ACADM: variants seen among roughly 807,000 people sequenced by gnomAD.
ACADM encodes the protein medium-chain specific acyl-CoA dehydrogenase, mitochondrial.
A neutral mutation model predicts 58.9 loss-of-function variants in ACADM; 49 were observed. That is an observed-to-expected ratio of 0.83 (90% CI 0.66 to 1.06). ACADM has a LOEUF of 1.06. ACADM is among the 50% of genes least tolerant of loss of function. ACADM has a pLI of 0.00. For synonymous variants in ACADM, 160 were observed against 157.7 expected (o/e 1.01, Z -0.11); for missense variants, 496 against 507.0 (o/e 0.98, Z 0.21).
chr1:75,746,212 G>A (rs1647891142), intron 8 of ACADM, among the ~76,000 whole-genome samples: 1 of 152,100 alleles, frequency 6.6e-6, no homozygotes, highest in Non-Finnish European at 1.5e-5. Flanking sequence ...TAAGAATTCT[G>A]GATATTTCAA....
chr1:75,745,645 A>T, intron 7 of ACADM, 161 bp from the exon 8 acceptor site: 2 of 667,814 alleles, frequency 3.0e-6, no homozygotes, highest in Non-Finnish European at 2.7e-6. Flanking sequence ...TCCATATACT[A>T]GGTACGTGAC....
At chr1:75,761,797 T>C (rs1365073510) in intron 11 of ACADM, among the ~76,000 whole-genome samples, 1 of 152,198 alleles carries the variant, frequency 6.6e-6, no homozygotes, top group Non-Finnish European at 1.5e-5. Flanking sequence ...TAATTCCAAA[T>C]TAAATTGGTA....
At chr1:75,734,193 T>G (rs1373389467) in intron 5 of ACADM, among the ~76,000 whole-genome samples, 3 of 137,442 alleles carry the variant, frequency 2.2e-5, no homozygotes, top group Non-Finnish European at 3.1e-5. Context: ...AGACGGAGTC[T>G]CACTCTGTTG....
chr1:75,761,351 G>A lies in ACADM; in HGVS notation c.1175G>A (p.Arg392Lys), dbSNP rs2100453846. 1.2e-6 allele frequency: 2 copies of A among 1,613,952 alleles called. No individual in the cohort carries two copies. ...GAATATCCTGTAGAAAAACTAATGA[G>A]GGATGCCAAAATCTATCAGGTAAGG... ...NTEYPVEKLM[R>K]DAKIYQIYEG... Residue 392 changes from arginine to lysine, a missense_variant, in exon 11 of 12, where the codon AGG becomes AAG. Coordinates refer to ENST00000370841, the MANE Select transcript of ACADM (RefSeq NM_000016.6).
intron 3 of ACADM, 51 bp from the exon 4 acceptor site, chr1:75,732,801 TC>T: frequency 2.5e-6 from 4 of 1,605,672 alleles, no homozygotes; most frequent in African/African-American, 1.3e-5. Context: ...GATTATGTAA[TC>T]AAACTATCTG....
intron 11 of ACADM, 84 bp from the exon 12 acceptor site, chr1:75,762,608 C>T (rs1412198109): frequency 2.3e-6 from 2 of 872,700 alleles, no homozygotes; most frequent in Non-Finnish European, 3.8e-6. Flanking sequence ...TACAACACAG[C>T]TTATGCTACT....
chr1:75,762,811 T>G lies in ACADM; in HGVS notation c.*48T>G. ...AATAACTAGAACACAAGCCACTGTT[T>G]CAGCTCCAGAAAAAAGAAAGGGCTT... On this transcript the variant is annotated 3_prime_UTR_variant, in exon 12 of 12. Transcript: ENST00000370841. 1 of 1,205,722 alleles carries G rather than the reference T, an allele frequency of 8.3e-7. No individual in the cohort carries two copies. Among genetic ancestry groups the G allele is most frequent in the Admixed American group, 1.9e-5 (1 of 52,774 alleles). 74.7% of individuals were successfully genotyped at this position (1,205,722 alleles called of 1,614,324 possible).
chr1:75,757,210 G>T (rs1055889805), intron 10 of ACADM, among the ~76,000 whole-genome samples: 3 of 152,136 alleles, frequency 2.0e-5, no homozygotes, highest in African/African-American at 7.2e-5. Flanking sequence ...TGACAATTGG[G>T]ATCTAATTAA....
chr1:75,727,941 G>T (rs550757622), intron 1 of ACADM, among the ~76,000 whole-genome samples: 2 of 152,240 alleles, frequency 1.3e-5, no homozygotes, highest in South Asian at 4.1e-4. Flanking sequence ...CTGAGGGGAA[G>T]GTTTCCAGAG....
intron 7 of ACADM, chr1:75,744,610 C>T: frequency 8.9e-7 from 1 of 1,124,076 alleles, no homozygotes; most frequent in Non-Finnish European, 1.4e-6. Flanking sequence ...GAAGCGAACA[C>T]TGAAGACACT....
chr1:75,754,386 A>G (rs888333315), intron 10 of ACADM, among the ~76,000 whole-genome samples: 1 of 150,820 alleles, frequency 6.6e-6, no homozygotes, highest in Non-Finnish European at 1.5e-5. Flanking sequence ...TTTCTTTTGT[A>G]CTTTTAGTAG....
chr1:75,725,927 T>C (rs901983186), intron 1 of ACADM, among the ~76,000 whole-genome samples: 2 of 152,240 alleles, frequency 1.3e-5, no homozygotes, highest in Admixed American at 6.5e-5. Context: ...TCAGCAATTA[T>C]AACTCCAGAT....
At chr1:75,754,170 C>T (rs1648365126) in intron 10 of ACADM, among the ~76,000 whole-genome samples, 1 of 149,864 alleles carries the variant, frequency 6.7e-6, no homozygotes, top group African/African-American at 2.5e-5. Flanking sequence ...CTAGGTGTCT[C>T]TCAACCCATT....
chr1:75,755,384 C>T (rs981580969), intron 10 of ACADM, among the ~76,000 whole-genome samples: 1 of 152,198 alleles, frequency 6.6e-6, no homozygotes, highest in South Asian at 2.1e-4. Flanking sequence ...ACACCTCATA[C>T]GTCCGGGTGC....
In ACADM at chr1:75,743,866, T is replaced by G; in HGVS notation, c.600-1940T>G. The G allele has an allele frequency of 4.2e-6, 6 of 1,419,262 alleles. No individual in the cohort carries two copies. In the South Asian group the frequency reaches 6.9e-5, roughly 16 times the overall value. The allele number at this position is 1,419,262 out of a possible 1,614,324, so 87.9% of individuals were successfully genotyped here. A position where few individuals can be genotyped will look rare whatever the true frequency, so the allele number is the denominator to read the frequency against. On this transcript the variant is annotated intron_variant, in intron 7 of 11. Transcript: ENST00000370841. The stretch of plus-strand genomic sequence containing the variant: ...CCTATATACCACCTCTTTGGTTATA[T>G]CATCAATCACTGCGTTTACAACAGG...
At position 75,732,859 on chromosome 1, in the gene ACADM, G is replaced by C; in HGVS notation, c.223G>C (p.Val75Leu). The C allele has an allele frequency of 6.2e-7, 1 of 1,613,298 alleles. No individual in the cohort carries two copies. The highest frequency in any genetic ancestry group is 8.5e-7 in the Non-Finnish European group (1 of 1,179,356). The change falls in exon 4 of 12, where the codon GTC becomes CTC. Residue 75 changes from valine to leucine, a missense_variant. By Grantham distance (32) the Val-to-Leu change is conservative (BLOSUM62 1). Coordinates refer to ENST00000370841, the MANE Select transcript of ACADM (RefSeq NM_000016.6). ...AEYDKTGEYP[V>L]PLIRRAWELG... ...TCAGTTCTTTTTCTTCTAGTATCCA[G>C]TCCCCCTAATTAGAAGAGCCTGGGA... is the stretch of plus-strand genomic sequence containing the variant.
In ACADM at chr1:75,733,660, C is replaced by G. The variant is rs2153126; in HGVS notation, c.387+32C>G. ...GACTTAGAAAATTAACTACCTAACTCAGCTCTTGTTAATGAGATAGTTACT... is the reference window on the plus strand; with the variant it reads ...GACTTAGAAAATTAACTACCTAACTGAGCTCTTGTTAATGAGATAGTTACT... On this transcript the variant is annotated intron_variant, in intron 5 of 11. Coordinates refer to ENST00000370841, the MANE Select transcript of ACADM (RefSeq NM_000016.6). 0.31 allele frequency: 468,318 copies of G among 1,521,720 alleles called. 75,110 individuals carry two copies. The highest frequency in any genetic ancestry group is 0.33 in the Non-Finnish European group (365,751 of 1,096,224). 94.3% of individuals were successfully genotyped at this position (1,521,720 alleles called of 1,614,324 possible).
intron 7 of ACADM, among the ~76,000 whole-genome samples, chr1:75,740,943 AATATTATTACACAGAAAG>A (rs1160741990): frequency 6.6e-6 from 1 of 152,230 alleles, no homozygotes; most frequent in Non-Finnish European, 1.5e-5. Flanking sequence ...AAGTTTTTCA[AATATTATTACACAGAAAG>A]ATGATCAGGC....
intron 10 of ACADM, among the ~76,000 whole-genome samples, chr1:75,755,901 G>T (rs1186010439): frequency 6.6e-6 from 1 of 152,190 alleles, no homozygotes; most frequent in African/African-American, 2.4e-5. Flanking sequence ...TCCCTGGGAT[G>T]CAAGGCTGAT....
Sources: allele counts gnomAD v4.1 joint callset (sites outside exome capture counted in the v4.1 genomes callset), GRCh38; gene constraint gnomAD v4.1.1; transcripts MANE v1.5; gene names NCBI Gene and HGNC (gene_info 2026-07-23, HGNC 2026-07-21).